The following NIM1K variants were observed in gnomAD, a reference collection of about 807,000 sequenced individuals.
NIM1K encodes the protein serine/threonine-protein kinase NIM1.
A neutral mutation model predicts 37.1 loss-of-function variants in NIM1K; 35 were observed. The observed-to-expected ratio is 0.94, with a 90% CI of 0.72 to 1.25. The LOEUF (loss-of-function observed/expected upper bound fraction) is 1.25, where lower values mean the gene tolerates loss of function less well. Ranked by LOEUF, NIM1K falls within the 50% of genes most tolerant of loss-of-function variation. NIM1K has a pLI of 0.00. For synonymous variants in NIM1K, 234 were observed against 206.6 expected (o/e 1.13, Z -1.14); for missense variants, 564 against 548.0 (o/e 1.03, Z -0.29).
chr5:43,279,663 G>C (rs1753407287), intron 3 of NIM1K, among the ~76,000 whole-genome samples: 1 of 152,178 alleles, frequency 6.6e-6, no homozygotes, highest in African/African-American at 2.4e-5. Flanking sequence ...AACAACTAAG[G>C]ATTACTGTTT....
rs760219876 is a variant in NIM1K, at chr5:43,198,131, ATTTCTTTCTTTCTTTCTTTCTTTC to A, written c.-695+5774_-695+5797del. ...TCTGCACCCGCACCTGGCCAATATG[ATTTCTTTCTTTCTTTCTTTCTTTC>A]TTTCTTTCTTTCTTTCTTTCTTTCT... On this transcript the variant is annotated intron_variant, in intron 1 of 3. Coordinates refer to ENST00000326035, the MANE Select transcript of NIM1K (RefSeq NM_153361.4). 2.4e-3 allele frequency among the ~76,000 whole-genome samples: 252 copies of A among 106,010 alleles called. 1 individual carries two copies. The highest frequency in any genetic ancestry group is 4.5e-3 in the East Asian group (16 of 3,542). 69.5% of individuals were successfully genotyped at this position (106,010 alleles called of 152,430 possible). A position where few individuals can be genotyped will look rare whatever the true frequency, so the allele number is the denominator to read the frequency against.
chr5:43,217,725 T>G (rs1323664704), intron 1 of NIM1K, among the ~76,000 whole-genome samples: 3 of 148,600 alleles, frequency 2.0e-5, no homozygotes, highest in Non-Finnish European at 4.5e-5. Context: ...TTTTTTTTTT[T>G]TTTTTTTGAG....
At chr5:43,213,289 C>T (rs10053839) in intron 1 of NIM1K, among the ~76,000 whole-genome samples, 12,564 of 37,574 alleles carry the variant, frequency 0.33, 1,532 homozygotes, top group South Asian at 0.48. Context: ...TGTTTCCTTT[C>T]CTTTTCTTTT....
intron 1 of NIM1K, among the ~76,000 whole-genome samples, chr5:43,204,182 G>A (rs1298251782): frequency 6.8e-6 from 1 of 148,126 alleles, no homozygotes; most frequent in Non-Finnish European, 1.5e-5. Flanking sequence ...CTTCCTGGGG[G>A]GTTCAAGAGA....
intron 1 of NIM1K, chr5:43,207,176 A>T: frequency 2.7e-6 from 2 of 739,330 alleles, no homozygotes; most frequent in South Asian, 2.8e-5. Flanking sequence ...AAATATTCTC[A>T]TCCTGAGTGG....
intron 1 of NIM1K, among the ~76,000 whole-genome samples, chr5:43,204,596 T>C (rs1752081521): frequency 6.6e-6 from 1 of 151,576 alleles, no homozygotes; most frequent in Non-Finnish European, 1.5e-5. Flanking sequence ...CCCCAGTGAC[T>C]TGGGAGGCGG....
chr5:43,232,944 A>G, intron 1 of NIM1K: 6 of 1,135,878 alleles, frequency 5.3e-6, no homozygotes, highest in South Asian at 1.2e-5. Context: ...TGCAAACTTC[A>G]TCATCAATTA....
intron 1 of NIM1K, among the ~76,000 whole-genome samples, chr5:43,198,172 TTTC>T (rs1751948890): frequency 3.5e-5 from 2 of 56,576 alleles, no homozygotes; most frequent in African/African-American, 1.3e-4. Context: ...TCTTTCTTTC[TTTC>T]TTTCTTTCTT....
intron 2 of NIM1K, among the ~76,000 whole-genome samples, chr5:43,260,076 A>G (rs1032943404): frequency 6.6e-6 from 1 of 152,130 alleles, no homozygotes; most frequent in Admixed American, 6.5e-5. Context: ...TTTGTTGAAG[A>G]TCAGTTGGTT....
chr5:43,266,269 C>T (rs1001709595), intron 2 of NIM1K, among the ~76,000 whole-genome samples: 1 of 152,182 alleles, frequency 6.6e-6, no homozygotes, highest in African/African-American at 2.4e-5. Context: ...GGGGCTCCAC[C>T]CAGTTTGAGC....
chr5:43,235,688 A>G (rs1346845577), intron 1 of NIM1K, among the ~76,000 whole-genome samples: 2 of 152,220 alleles, frequency 1.3e-5, no homozygotes, highest in Non-Finnish European at 2.9e-5. Context: ...ATGGTTAAAT[A>G]AACTTGGGGA....
Position 43,279,983 on chromosome 5 carries a change from G to A in NIM1K, c.565G>A (p.Glu189Lys), listed in dbSNP as rs1641016856. 6.2e-7 allele frequency: 1 copy of A among 1,605,890 alleles called. No individual in the cohort carries two copies. Among genetic ancestry groups the A allele is most frequent in the South Asian group, 1.1e-5 (1 of 90,666 alleles). ...TTCTCTATGTCTTCTTCCACAGCATGAAAACCAAATTATTCATAGAGATCT... is the reference window on the plus strand; with the variant it reads ...TTCTCTATGTCTTCTTCCACAGCATAAAAACCAAATTATTCATAGAGATCT... ...QIVSAVKHMH[E>K]NQIIHRDLKA... The change falls in exon 4 of 4, where the codon GAA becomes AAA. Residue 189 changes from glutamate to lysine, a missense_variant. By Grantham distance (56) the Glu-to-Lys change is moderately conservative. Coordinates refer to ENST00000326035, the MANE Select transcript of NIM1K (RefSeq NM_153361.4).
intron 1 of NIM1K, among the ~76,000 whole-genome samples, chr5:43,235,776 AAG>A (rs978543954): frequency 9.2e-5 from 14 of 152,220 alleles, no homozygotes; most frequent in African/African-American, 3.4e-4. Context: ...GCAAATATCT[AAG>A]AGGGGTATAA....
intron 1 of NIM1K, among the ~76,000 whole-genome samples, chr5:43,204,433 G>A (rs370615263): frequency 6.6e-6 from 1 of 151,630 alleles, no homozygotes; most frequent in East Asian, 2.0e-4. Context: ...CAGGAGTGGT[G>A]GCTCACGCCT....
Position 43,277,222 on chromosome 5 carries a change from C to G in NIM1K, c.458C>G (p.Ala153Gly), listed in dbSNP as rs1753356945. Residue 153 changes from alanine to glycine, a missense_variant, in exon 3 of 4, where the codon GCA (alanine) becomes GGA (glycine). Coordinates refer to ENST00000326035, the MANE Select transcript of NIM1K (RefSeq NM_153361.4). ...AAGCTGCACTTGGTGATGGAGTATG[C>G]AGGGGGTGGGGAGCTCTTCGGAAAA... ...LSKLHLVMEYAGGGELFGKIS... is the reference protein window; with the variant it reads ...LSKLHLVMEYGGGGELFGKIS... 3 of 1,613,876 alleles carry G rather than the reference C, an allele frequency of 1.9e-6. No individual in the cohort carries two copies. The Admixed American group carries it at 5.0e-5, about 27-fold the overall frequency.
intron 1 of NIM1K, among the ~76,000 whole-genome samples, chr5:43,221,155 GAA>G (rs1333720821): frequency 6.6e-6 from 1 of 152,166 alleles, no homozygotes; most frequent in Non-Finnish European, 1.5e-5. Flanking sequence ...GGGGCAGAGA[GAA>G]GAGTGCCTTT....
chr5:43,270,378 C>A (rs1256017552), intron 2 of NIM1K, among the ~76,000 whole-genome samples: 2 of 152,174 alleles, frequency 1.3e-5, no homozygotes, highest in Middle Eastern at 3.4e-3. Flanking sequence ...TTAGCTAGGC[C>A]TTAGATAGGA....
At chr5:43,246,617 T>C (rs1752783127) in intron 2 of NIM1K, among the ~76,000 whole-genome samples, 2 of 152,246 alleles carry the variant, frequency 1.3e-5, no homozygotes, top group Non-Finnish European at 2.9e-5. Flanking sequence ...CTGCGACTTC[T>C]GTCATATTTG....
intron 2 of NIM1K, among the ~76,000 whole-genome samples, chr5:43,248,936 G>A (rs1490755457): frequency 2.0e-5 from 3 of 151,500 alleles, no homozygotes; most frequent in Non-Finnish European, 2.9e-5. Context: ...GTGCAATGGC[G>A]TGATCTCAGC....
Sources: gnomAD v4.1 joint callset for allele counts (sites outside exome capture counted in the v4.1 genomes callset) on GRCh38, gnomAD v4.1.1 for gene constraint, MANE v1.5 for transcripts, NCBI Gene and HGNC (gene_info 2026-07-23, HGNC 2026-07-21) for gene names.